Variants in UQCC1 observed in about 807,000 individuals in gnomAD.
The protein encoded by UQCC1 is bFGF-repressed Zic-binding protein.
UQCC1 carries 38 observed loss-of-function variants against 48.0 expected under a neutral mutation model. The observed-to-expected ratio is 0.79, with a 90% CI of 0.61 to 1.04. The LOEUF (loss-of-function observed/expected upper bound fraction) is 1.04, where lower values mean the gene tolerates loss of function less well. Ranked by LOEUF, UQCC1 falls within the 50% of genes least tolerant of loss-of-function variation. The pLI is 0.00. For missense variants in UQCC1, 368 were observed against 381.8 expected, an observed-to-expected ratio of 0.96 and a Z score of 0.30; for synonymous variants, 111 against 129.2, an observed-to-expected ratio of 0.86 and a Z score of 0.95.
rs537377895 is a variant in UQCC1, at chr20:35,304,056, T to C, written c.779A>G (p.Asp260Gly). The change falls in exon 10 of 10, where the codon GAC (aspartate) becomes GGC (glycine). Residue 260 changes from aspartate (D) to glycine (G), a missense_variant. Coordinates refer to ENST00000374385, the MANE Select transcript of UQCC1 (RefSeq NM_018244.5). ...AAGCAGATCCTCCCCGTTCATGGAG[T>C]CCAGGTACTGTATCTGCAACCAGGG... Reference protein sequence around the residue: ...EYVRKQIQYLDSMNGEDLLLT... With the variant: ...EYVRKQIQYLGSMNGEDLLLT... 8.1e-6 allele frequency: 13 copies of C among 1,613,672 alleles called. No homozygotes were observed. Among genetic ancestry groups the C allele is most frequent in the Non-Finnish European group, 1.1e-5 (13 of 1,179,912 alleles).
At chr20:35,363,027 C>CTAAAAAAAAAAAAAAAAAAAAAAAAAAAA (rs2061624107) in intron 6 of UQCC1, among the ~76,000 whole-genome samples, 1 of 66,296 alleles carries the variant, frequency 1.5e-5, no homozygotes, top group Non-Finnish European at 3.1e-5. Context: ...CTCCTTAAAA[C>CTAAAAAAAAAAAAAAAAAAAAAAAAAAAA]TAAAAAAAAA....
At position 35,306,722 on chromosome 20, in the gene UQCC1, G is replaced by A. The variant is rs140019251; in HGVS notation, c.709C>T (p.Arg237Trp). 62 of 1,613,834 alleles carry A rather than the reference G, an allele frequency of 3.8e-5. No individual in the cohort carries two copies. The highest frequency in any genetic ancestry group is 2.0e-4 in the Admixed American group (12 of 60,004). The change falls in exon 9 of 10, where the codon CGG becomes TGG. Residue 237 changes from arginine (R) to tryptophan (W), a missense_variant. By Grantham distance (101) the Arg-to-Trp change is moderately radical (BLOSUM62 -3). Transcript: ENST00000374385. Reference protein sequence around the residue: ...AAALWRTFFNRKCEDPRHLEL... With the variant: ...AAALWRTFFNWKCEDPRHLEL... ...AGATGTCGAGGGTCTTCACATTTCC[G>A]GTTGAAGAAGGTTCTCCAGAGGGCA...
chr20:35,372,610 C>T (rs754594546), intron 5 of UQCC1, among the ~76,000 whole-genome samples: 2 of 152,164 alleles, frequency 1.3e-5, no homozygotes, highest in East Asian at 1.9e-4. Flanking sequence ...GCCTGTAATC[C>T]GGAACTTTGG....
intron 8 of UQCC1, among the ~76,000 whole-genome samples, chr20:35,311,924 G>C (rs965524045): frequency 6.6e-6 from 1 of 152,210 alleles, no homozygotes; most frequent in Non-Finnish European, 1.5e-5. Context: ...AATCTTCAGA[G>C]AGGTGATAAA....
chr20:35,360,153 T>G (rs148252292), intron 6 of UQCC1, among the ~76,000 whole-genome samples: 1 of 152,330 alleles, frequency 6.6e-6, no homozygotes, highest in African/African-American at 2.4e-5. Context: ...GCCTTTGGTT[T>G]GGGCAAGAAA....
At chr20:35,360,622 T>C (rs2061594862) in intron 6 of UQCC1, among the ~76,000 whole-genome samples, 1 of 152,126 alleles carries the variant, frequency 6.6e-6, no homozygotes, top group Non-Finnish European at 1.5e-5. Flanking sequence ...TACTCCTCAA[T>C]CCCATATAGT....
chr20:35,325,511 C>CA (rs372455587), intron 7 of UQCC1, among the ~76,000 whole-genome samples: 12 of 152,192 alleles, frequency 7.9e-5, no homozygotes, highest in African/African-American at 2.9e-4. Context: ...CCTCACCAGA[C>CA]TATAAACGGT....
chr20:35,404,005 A>C (rs2062208510), intron 1 of UQCC1, among the ~76,000 whole-genome samples: 1 of 147,708 alleles, frequency 6.8e-6, no homozygotes, highest in Non-Finnish European at 1.5e-5. Flanking sequence ...TGGGAGGCCG[A>C]GGAGGGCGGA....
intron 7 of UQCC1, among the ~76,000 whole-genome samples, chr20:35,319,373 C>G (rs1308667768): frequency 6.6e-6 from 1 of 152,186 alleles, no homozygotes; most frequent in Admixed American, 6.5e-5. Flanking sequence ...AAATGAGCAG[C>G]AGGTCTCAGC....
At chr20:35,382,139 TC>T in intron 3 of UQCC1, 114 bp from the exon 4 acceptor site, 1 of 604,454 alleles carries the variant, frequency 1.7e-6, no homozygotes, top group Non-Finnish European at 2.9e-6. Context: ...CAGGGTCTCC[TC>T]CCCTCACCCA....
At chr20:35,329,169 G>C (rs918254214) in intron 7 of UQCC1, among the ~76,000 whole-genome samples, 4 of 152,186 alleles carry the variant, frequency 2.6e-5, no homozygotes, top group African/African-American at 9.7e-5. Context: ...CAGTAAACAA[G>C]AGACAATTCC....
At chr20:35,365,853 C>T (rs748295630) in intron 6 of UQCC1, among the ~76,000 whole-genome samples, 86 of 152,116 alleles carry the variant, frequency 5.7e-4, no homozygotes, top group Non-Finnish European at 8.1e-4. Flanking sequence ...GGCAGCCATT[C>T]CCATGTTCCT....
At position 35,394,116 on chromosome 20, in the gene UQCC1, G is replaced by A; in HGVS notation, c.105C>T (p.Asp35=). 6.2e-7 allele frequency: 1 copy of A among 1,613,996 alleles called. No individual in the cohort carries two copies. The highest frequency in any genetic ancestry group is 8.5e-7 in the Non-Finnish European group (1 of 1,179,934). The change falls in exon 2 of 10, where the codon GAC becomes GAT. Residue 35 remains aspartate (D), a synonymous_variant. Transcript: ENST00000374385. ...IPVSPTQGQG[D]RALSRTSQWP... is the part of the protein sequence containing the mutation. The stretch of plus-strand genomic sequence containing the variant: ...CCTGGGAAGTGCGAGACAGAGCCCT[G>A]TCCCCCTGTCCTTGGGTAGGAGACA...
chr20:35,393,076 T>C (rs2062031626), intron 2 of UQCC1, among the ~76,000 whole-genome samples: 1 of 151,610 alleles, frequency 6.6e-6, no homozygotes, highest in Non-Finnish European at 1.5e-5. Flanking sequence ...TTATTTAAGT[T>C]AAAAAAAACT....
chr20:35,320,466 T>C (rs920986138), intron 7 of UQCC1, among the ~76,000 whole-genome samples: 18 of 152,064 alleles, frequency 1.2e-4, no homozygotes, highest in African/African-American at 3.4e-4. Flanking sequence ...TGTGTTGGAA[T>C]AGACACTGGA....
intron 3 of UQCC1, among the ~76,000 whole-genome samples, chr20:35,382,868 T>A (rs2061893398): frequency 6.6e-6 from 1 of 152,148 alleles, no homozygotes; most frequent in South Asian, 2.1e-4. Context: ...GAACTGTACC[T>A]AATAGATGCC....
rs528965275 is a variant in UQCC1 at position 35,317,563 on chromosome 20, T to C, written c.574-2798A>G. Among the ~76,000 whole-genome samples the C allele has an allele frequency of 2.6e-5, 4 of 152,338 alleles. No homozygotes were observed. The East Asian group carries it at 7.7e-4, about 29-fold the overall frequency. ...CATTAGCCATCCATCCTTGGTGTTC[T>C]CACAGCTCTCTGGGCATATTTTCTG... On this transcript the variant is annotated intron_variant, in intron 7 of 9. Coordinates refer to ENST00000374385, the MANE Select transcript of UQCC1 (RefSeq NM_018244.5).
intron 2 of UQCC1, among the ~76,000 whole-genome samples, chr20:35,393,503 AACACACACACACAC>A (rs3055772): frequency 9.5e-5 from 14 of 146,790 alleles, no homozygotes; most frequent in Admixed American, 2.0e-4. Context: ...AACACACACA[AACACACACACACAC>A]ACACACACAC....
In UQCC1 at chr20:35,411,924, T is replaced by C. The variant is rs1394031371; in HGVS notation, c.24+16A>G. ...GGACCCAGAGAGCTACCGTAGAAAA[T>C]TACTCCTTCACTCACAAGGACTCGC... On this transcript the variant is annotated intron_variant, in intron 1 of 9. Coordinates refer to ENST00000374385, the MANE Select transcript of UQCC1 (RefSeq NM_018244.5). 1.9e-6 allele frequency: 3 copies of C among 1,613,992 alleles called. No individual in the cohort carries two copies. The African/African-American group carries it at 4.0e-5, about 22-fold the overall frequency.
Sources: gnomAD v4.1 joint callset for allele counts (sites outside exome capture counted in the v4.1 genomes callset) on GRCh38, gnomAD v4.1.1 for gene constraint, MANE v1.5 for transcripts, NCBI Gene and HGNC (gene_info 2026-07-23, HGNC 2026-07-21) for gene names.